OPRM1: variants seen among roughly 807,000 people sequenced by gnomAD.
The protein encoded by OPRM1 is opioid receptor mu 1.
A neutral mutation model predicts 31.8 loss-of-function variants in OPRM1; 27 were observed. The observed-to-expected ratio is 0.85, with a 90% confidence interval of 0.63 to 1.17. OPRM1 has a LOEUF of 1.17. Ranked by LOEUF, OPRM1 falls within the 50% of genes most tolerant of loss-of-function variation. The pLI is 0.00. For missense variants in OPRM1, 536 were observed against 511.1 expected (o/e 1.05, Z -0.47); for synonymous variants, 196 against 189.9 (o/e 1.03, Z -0.26).
intron 3 of OPRM1, among the ~76,000 whole-genome samples, chr6:154,236,526 TA>T (rs1182983340): frequency 6.6e-6 from 1 of 152,210 alleles, no homozygotes; most frequent in Non-Finnish European, 1.5e-5. Context: ...ACTGTACCCT[TA>T]AAAATGGCTA....
In OPRM1 at chr6:154,124,472, T is replaced by C. The variant is rs1797472620; in HGVS notation, c.*5751T>C. ...AAATCACAGAAGAAGTTGTTTTCCA[T>C]AGGTGTGGGGTGGGATGTTAGAGCT... On this transcript the variant is annotated 3_prime_UTR_variant, in exon 4 of 4. Transcript: ENST00000330432. Among the ~76,000 whole-genome samples the C allele has an allele frequency of 1.3e-5, 2 of 152,206 alleles. No individual in the cohort carries two copies. Among genetic ancestry groups the C allele is most frequent in the African/African-American group, 2.4e-5 (1 of 41,466 alleles).
At chr6:154,170,695 CT>C (rs1799802046) in intron 3 of OPRM1, among the ~76,000 whole-genome samples, 1 of 152,176 alleles carries the variant, frequency 6.6e-6, no homozygotes, top group East Asian at 1.9e-4. Flanking sequence ...TGAAAAGATG[CT>C]CAGTATCATC....
chr6:154,182,653 T>C (rs1183841837), intron 3 of OPRM1, among the ~76,000 whole-genome samples: 1 of 152,166 alleles, frequency 6.6e-6, no homozygotes, highest in African/African-American at 2.4e-5. Context: ...TAAAATACGT[T>C]TATGAGGTAT....
rs867009456 is a variant in OPRM1 at position 154,090,231 on chromosome 6, G to A, written c.643+53G>A. On this transcript the variant is annotated intron_variant, in intron 2 of 3. Coordinates refer to ENST00000330432, the MANE Select transcript of OPRM1 (RefSeq NM_000914.5). ...GGAGGGTTCACAGCCTGATATGTTG[G>A]TGATGTCATAAGCAAAGCAGTATTT... The A allele has an allele frequency of 9.9e-5, 119 of 1,198,166 alleles. No individual in the cohort carries two copies. The Middle Eastern group carries it at 7.2e-3, about 72-fold the overall frequency. 74.2% of individuals were successfully genotyped at this position (1,198,166 alleles called of 1,614,324 possible). A position where few individuals can be genotyped will look rare whatever the true frequency, so the allele number is the denominator to read the frequency against.
Position 154,131,518 on chromosome 6 carries a change from A to C in OPRM1, c.*12797A>C, listed in dbSNP as rs1797892733. On this transcript the variant is annotated 3_prime_UTR_variant, in exon 4 of 4. Coordinates refer to ENST00000330432, the MANE Select transcript of OPRM1 (RefSeq NM_000914.5). Reference sequence around the variant, plus strand: ...TTGACAGTGTTGGGGGTGAAATAAAAGATAGACCCCTGCTGCTCTGCACGT... The same window carrying C: ...TTGACAGTGTTGGGGGTGAAATAAACGATAGACCCCTGCTGCTCTGCACGT... Among the ~76,000 whole-genome samples, 1 of 152,242 alleles carries C rather than the reference A, an allele frequency of 6.6e-6. No homozygotes were observed. The highest frequency in any genetic ancestry group is 6.5e-5 in the Admixed American group (1 of 15,284).
At chr6:154,107,464 G>A in intron 3 of OPRM1, 1 of 718,574 alleles carries the variant, frequency 1.4e-6, no homozygotes, top group South Asian at 1.5e-5. Context: ...TTACTTTCTA[G>A]GTGGAATTGA....
chr6:154,181,378 C>A (rs979814059), intron 3 of OPRM1, among the ~76,000 whole-genome samples: 2 of 152,116 alleles, frequency 1.3e-5, no homozygotes, highest in Admixed American at 6.5e-5. Context: ...TCTTTTAACA[C>A]TTCTATGAGA....
At chr6:154,223,560 C>CAG (rs10638184) in intron 3 of OPRM1, among the ~76,000 whole-genome samples, 92,903 of 151,842 alleles carry the variant, frequency 0.61, 29,010 homozygotes, top group South Asian at 0.76. Context: ...GCTAACCCAA[C>CAG]AGTCATGTCT....
chr6:154,173,690 A>G (rs954028745), intron 3 of OPRM1, among the ~76,000 whole-genome samples: 4 of 152,320 alleles, frequency 2.6e-5, no homozygotes, highest in Non-Finnish European at 4.4e-5. Flanking sequence ...CCAAATCTAC[A>G]TTTGATTGGT....
intron 3 of OPRM1, among the ~76,000 whole-genome samples, chr6:154,186,534 C>G (rs1801364390): frequency 6.6e-6 from 1 of 152,032 alleles, no homozygotes; most frequent in Non-Finnish European, 1.5e-5. Context: ...GTGCACGGAG[C>G]CAGAGCAGCT....
intron 3 of OPRM1, among the ~76,000 whole-genome samples, chr6:154,115,968 G>A (rs1796834183): frequency 6.6e-6 from 1 of 152,188 alleles, no homozygotes; most frequent in African/African-American, 2.4e-5. Context: ...GGTCCCTTTG[G>A]AGGGGCTTGG....
intron 3 of OPRM1, among the ~76,000 whole-genome samples, chr6:154,183,881 C>G (rs887196229): frequency 1.3e-5 from 2 of 151,854 alleles, no homozygotes; most frequent in Non-Finnish European, 2.9e-5. Flanking sequence ...CAAAATAAGA[C>G]CCTGTATCAA....
exon 4 of OPRM1, chr6:154,246,798 C>A: frequency 4.4e-6 from 7 of 1,599,570 alleles, no homozygotes; most frequent in Non-Finnish European, 6.0e-6. Flanking sequence ...AATGTATTAC[C>A]CTGATTTGGT....
chr6:154,097,586 CGTGTGTGTGT>C (rs5881063), intron 3 of OPRM1, among the ~76,000 whole-genome samples: 10 of 149,612 alleles, frequency 6.7e-5, no homozygotes, highest in African/African-American at 2.0e-4. Context: ...AAAATGGTTC[CGTGTGTGTGT>C]GTGTGTGTGT....
rs555266758 is a variant in OPRM1 at position 154,056,053 on chromosome 6, G to A, written c.290+16219G>A. On this transcript the variant is annotated intron_variant, in intron 1 of 3. Transcript: ENST00000330432. Reference sequence around the variant, plus strand: ...ATAAAGAGTCATCCTGACCCCTGTTGAGTCTGATTCTCTAATCACAGTAAA... The same window carrying A: ...ATAAAGAGTCATCCTGACCCCTGTTAAGTCTGATTCTCTAATCACAGTAAA... Among the ~76,000 whole-genome samples, 147 of 152,270 alleles carry A rather than the reference G, an allele frequency of 9.7e-4. 1 individual carries two copies. The South Asian group carries it at 0.012, about 12-fold the overall frequency.
intron 1 of OPRM1, among the ~76,000 whole-genome samples, chr6:154,064,215 T>C (rs1029692043): frequency 6.6e-6 from 1 of 152,170 alleles, no homozygotes; most frequent in Non-Finnish European, 1.5e-5. Flanking sequence ...ATTTGCATTG[T>C]CCTAATGAAT....
At chr6:154,039,122 T>C (rs1562384114), upstream of OPRM1, 1 of 1,533,340 alleles carries the variant, frequency 6.5e-7, no homozygotes, top group South Asian at 1.2e-5. Context: ...ACTAACTCTA[T>C]CTCTCTCCCC....
chr6:154,176,041 C>G (rs1171147301), intron 3 of OPRM1, among the ~76,000 whole-genome samples: 1 of 152,204 alleles, frequency 6.6e-6, no homozygotes, highest in Non-Finnish European at 1.5e-5. Context: ...TAGACATAAT[C>G]TATCACATAA....
At chr6:154,195,528 A>T (rs1776542385) in intron 3 of OPRM1, among the ~76,000 whole-genome samples, 1 of 152,106 alleles carries the variant, frequency 6.6e-6, no homozygotes, top group South Asian at 2.1e-4. Flanking sequence ...AAATTAAGGA[A>T]CACCTATCCC....
Sources: gnomAD v4.1 joint callset for allele counts (sites outside exome capture counted in the v4.1 genomes callset) on GRCh38, gnomAD v4.1.1 for gene constraint, MANE v1.5 for transcripts, NCBI Gene and HGNC (gene_info 2026-07-23, HGNC 2026-07-21) for gene names.